Variants in DCST1 observed in about 807,000 individuals in gnomAD.
DCST1 encodes the protein DC-STAMP domain containing 1.
DCST1 carries 78 observed loss-of-function variants against 89.1 expected under a neutral mutation model. The ratio of observed to expected loss-of-function variants is 0.88; its 90% CI spans 0.73 to 1.06. DCST1 has a LOEUF of 1.06. DCST1 is among the 50% of genes least tolerant of loss of function. The probability of loss-of-function intolerance (pLI) is 0.00; values close to 1 mark genes in which losing one functional copy is unlikely to be tolerated. For synonymous variants in DCST1, 364 were observed against 371.9 expected, an observed-to-expected ratio of 0.98 and a Z score of 0.24; for missense variants, 900 against 928.6, an observed-to-expected ratio of 0.97 and a Z score of 0.40.
Position 155,041,798 on chromosome 1 carries a change from T to C in DCST1, c.833T>C (p.Leu278Pro). The C allele has an allele frequency of 6.2e-7, 1 of 1,614,228 alleles. No homozygotes were observed. Among genetic ancestry groups the C allele is most frequent in the Middle Eastern group, 1.6e-4 (1 of 6,062 alleles). The change falls in exon 8 of 17, where the codon CTC becomes CCC. Residue 278 changes from leucine (L) to proline (P), a missense_variant. Leu to Pro is a moderately conservative substitution (Grantham distance 98). Coordinates refer to ENST00000295542, the MANE Select transcript of DCST1 (RefSeq NM_152494.4). ...EQCMKHIWVP[L>P]LTHLLCLPMK... ...TGCATGAAGCACATCTGGGTCCCACTCCTCACCCACCTGCTCTGCCTGCCT... is the reference window on the plus strand; with the variant it reads ...TGCATGAAGCACATCTGGGTCCCACCCCTCACCCACCTGCTCTGCCTGCCT...
rs1398409802 is a variant in DCST1 at position 155,046,340 on chromosome 1, C to A, written c.1369-20C>A. Reference sequence around the variant, plus strand: ...GGCAGATGGCACTGCCCAGCTCTGCCCCTCCTGCTCCTTGGCCAGGTGAGG... The same window carrying A: ...GGCAGATGGCACTGCCCAGCTCTGCACCTCCTGCTCCTTGGCCAGGTGAGG... On this transcript the variant is annotated intron_variant, in intron 12 of 16. Coordinates refer to ENST00000295542, the MANE Select transcript of DCST1 (RefSeq NM_152494.4). 6.2e-6 allele frequency: 10 copies of A among 1,614,022 alleles called. No homozygotes were observed. The highest frequency in any genetic ancestry group is 8.5e-6 in the Non-Finnish European group (10 of 1,180,018).
intron 16 of DCST1, 86 bp downstream of exon 16, chr1:155,048,256 C>A: frequency 9.3e-7 from 1 of 1,080,040 alleles, no homozygotes; most frequent in Non-Finnish European, 1.4e-6. Context: ...GTCCACCCAG[C>A]ACCCACCAAT....
At chr1:155,049,696 T>C (rs1312367495) in intron 16 of DCST1, among the ~76,000 whole-genome samples, 1 of 152,206 alleles carries the variant, frequency 6.6e-6, no homozygotes, top group Admixed American at 6.5e-5. Context: ...AAAGTGAGAC[T>C]GTGTTTGCTT....
intron 4 of DCST1, among the ~76,000 whole-genome samples, chr1:155,036,617 GGGAGAT>G (rs1209331071): frequency 4.6e-5 from 7 of 152,238 alleles, no homozygotes; most frequent in Non-Finnish European, 8.8e-5. Context: ...GATGTCAGAA[GGGAGAT>G]TAGAAGAATT....
intron 16 of DCST1, among the ~76,000 whole-genome samples, chr1:155,049,464 G>A (rs531758604): frequency 4.6e-5 from 7 of 151,710 alleles, no homozygotes; most frequent in African/African-American, 1.7e-4. Context: ...GCCCAGGCTG[G>A]AGTGCAGTGG....
At chr1:155,034,901 G>C in intron 4 of DCST1, 174 bp downstream of exon 4, 1 of 667,292 alleles carries the variant, frequency 1.5e-6, no homozygotes, top group South Asian at 1.8e-5. Context: ...GCCAATTTAA[G>C]AAGGAAGACA....
chr1:155,041,317 T>C, intron 6 of DCST1, 80 bp from the exon 7 acceptor site: 2 of 1,462,526 alleles, frequency 1.4e-6, no homozygotes, highest in Non-Finnish European at 1.9e-6. Context: ...GCTTGGCTAC[T>C]GGGGGAGGAC....
At position 155,050,633 on chromosome 1, in the gene DCST1, A is replaced by C; in HGVS notation, c.1886A>C (p.Asp629Ala). The change falls in exon 17 of 17, where the codon GAT becomes GCT. Residue 629 changes from aspartate (D) to alanine (A), a missense_variant. Transcript: ENST00000295542. ...TCCCAACAGCGCCACCCGCTGGCGGATATCCTGCACCGCGGCTGCCCGCTC... is the reference window on the plus strand; with the variant it reads ...TCCCAACAGCGCCACCCGCTGGCGGCTATCCTGCACCGCGGCTGCCCGCTC... ...QQKAPRHPLA[D>A]ILHRGCPLLR... The C allele has an allele frequency of 6.3e-7, 1 of 1,586,518 alleles. No individual in the cohort carries two copies. The highest frequency in any genetic ancestry group is 1.1e-5 in the South Asian group (1 of 89,802).
At chr1:155,044,850 G>T (rs533197352) in intron 10 of DCST1, among the ~76,000 whole-genome samples, 1 of 152,230 alleles carries the variant, frequency 6.6e-6, no homozygotes, top group Non-Finnish European at 1.5e-5. Flanking sequence ...GGCCAGGCTG[G>T]GTTGGAGGTT....
chr1:155,043,409 G>GT lies in DCST1; in HGVS notation c.1072_1073insT (p.Glu358ValfsTer43). ...CACAAGCTGGGAGCGCGTGAGCACC[G>GT]AGGTGCGGGACTACGTGTACCGCCA... On this transcript the variant is annotated frameshift_variant, in exon 10 of 17. Transcript: ENST00000295542. LOFTEE classifies it high-confidence loss of function. 1 of 1,613,934 alleles carries GT rather than the reference G, an allele frequency of 6.2e-7. No homozygotes were observed. The highest frequency in any genetic ancestry group is 8.5e-7 in the Non-Finnish European group (1 of 1,179,950).
intron 16 of DCST1, among the ~76,000 whole-genome samples, chr1:155,048,427 T>C (rs1233813733): frequency 6.6e-6 from 1 of 152,226 alleles, no homozygotes; most frequent in African/African-American, 2.4e-5. Flanking sequence ...ACTCCACAAG[T>C]AGCCAGGATT....
chr1:155,041,410 T>C lies in DCST1; in HGVS notation c.545T>C (p.Leu182Ser). ...CTCCAATCCCAGAGTAGCAAAGAAT[T>C]GCTGAGAGCAGAGACTCGGAACATC... ...MFKDLLSSKE[L>S]LRAETRNISA... Residue 182 changes from leucine (L) to serine (S), a missense_variant, in exon 7 of 17, where the codon TTG becomes TCG. Physicochemically the swap from Leu to Ser is moderately radical, Grantham distance 145 (BLOSUM62 -2). Coordinates refer to ENST00000295542, the MANE Select transcript of DCST1 (RefSeq NM_152494.4). 2 of 1,613,542 alleles carry C rather than the reference T, an allele frequency of 1.2e-6. No homozygotes were observed.
intron 5 of DCST1, 92 bp from the exon 6 acceptor site, chr1:155,040,393 G>A (rs1222834354): frequency 3.5e-6 from 5 of 1,430,016 alleles, no homozygotes; most frequent in Non-Finnish European, 4.7e-6. Flanking sequence ...TATAGTTCTA[G>A]GCGATGGGCA....
At position 155,050,819 on chromosome 1, in the gene DCST1, C is replaced by T. The variant is rs1234048105; in HGVS notation, c.2072C>T (p.Ser691Phe). The change falls in exon 17 of 17, where the codon TCT becomes TTT. Residue 691 changes from serine to phenylalanine, a missense_variant. Coordinates refer to ENST00000295542, the MANE Select transcript of DCST1 (RefSeq NM_152494.4). ...GTCTGCACGCCCCGCGAAGAGCTCTCTTCCTCCGCCTTTAGTGACAGCAAC... is the reference window on the plus strand; with the variant it reads ...GTCTGCACGCCCCGCGAAGAGCTCTTTTCCTCCGCCTTTAGTGACAGCAAC... The part of the protein sequence containing the change: ...CPVCTPREEL[S>F]SSAFSDSNDD... The T allele has an allele frequency of 1.2e-6, 2 of 1,612,862 alleles. No homozygotes were observed. Among genetic ancestry groups the T allele is most frequent in the Non-Finnish European group, 1.7e-6 (2 of 1,179,494 alleles).
chr1:155,047,605 A>G (rs973052203), intron 14 of DCST1, among the ~76,000 whole-genome samples, 182 bp from the exon 15 acceptor site: 2 of 152,214 alleles, frequency 1.3e-5, no homozygotes, highest in Non-Finnish European at 2.9e-5. Flanking sequence ...AATCTGCAAG[A>G]TCTGTGCCAC....
At chr1:155,049,589 T>C (rs576844361) in intron 16 of DCST1, among the ~76,000 whole-genome samples, 36 of 152,130 alleles carry the variant, frequency 2.4e-4, no homozygotes, top group African/African-American at 8.0e-4. Context: ...TAATTTAGAA[T>C]TGAAATAATT....
Position 155,050,804 on chromosome 1 carries a change from C to T in DCST1, c.2057C>T (p.Pro686Leu). The change falls in exon 17 of 17, where the codon CCC becomes CTC. Residue 686 changes from proline to leucine, a missense_variant. By Grantham distance (98) the Pro-to-Leu change is moderately conservative (BLOSUM62 -3). Coordinates refer to ENST00000295542, the MANE Select transcript of DCST1 (RefSeq NM_152494.4). Reference sequence around the variant, plus strand: ...CGGCAGCGGTGCCCGGTCTGCACGCCCCGCGAAGAGCTCTCTTCCTCCGCC... The same window carrying T: ...CGGCAGCGGTGCCCGGTCTGCACGCTCCGCGAAGAGCTCTCTTCCTCCGCC... ...DMRQRCPVCT[P>L]REELSSSAFS... The T allele has an allele frequency of 6.2e-7, 1 of 1,612,330 alleles. No individual in the cohort carries two copies. Among genetic ancestry groups the T allele is most frequent in the South Asian group, 1.1e-5 (1 of 90,820 alleles).
chr1:155,043,550 C>G lies in DCST1; in HGVS notation c.1172+41C>G, dbSNP rs557990994. On this transcript the variant is annotated intron_variant, in intron 10 of 16. Coordinates refer to ENST00000295542, the MANE Select transcript of DCST1 (RefSeq NM_152494.4). ...CACCCCAGCAGCCCCTCCTCTGCCC[C>G]GGACTGGAGCCCTGCCCTGAGGGAG... 17 of 1,532,290 alleles carry G rather than the reference C, an allele frequency of 1.1e-5. 1 individual carries two copies. The East Asian group carries it at 2.5e-4, about 23-fold the overall frequency. The allele number at this position is 1,532,290 out of a possible 1,614,324, so 94.9% of individuals were successfully genotyped here.
chr1:155,049,063 C>A (rs1170960883), intron 16 of DCST1: 2 of 717,334 alleles, frequency 2.8e-6, no homozygotes, highest in Admixed American at 4.0e-5. Context: ...GGCCTGCTCA[C>A]TGGAGATCAG....
Sources: gnomAD v4.1 joint callset for allele counts (sites outside exome capture counted in the v4.1 genomes callset) on GRCh38, gnomAD v4.1.1 for gene constraint, MANE v1.5 for transcripts, NCBI Gene and HGNC (gene_info 2026-07-23, HGNC 2026-07-21) for gene names.